The following CNTNAP4 variants were observed in gnomAD, a reference collection of about 807,000 sequenced individuals.
CNTNAP4 encodes the protein contactin-associated protein-like 4.
In CNTNAP4, 98 loss-of-function variants were observed where a neutral mutation model predicts 148.4. The ratio of observed to expected loss-of-function variants is 0.66; its 90% confidence interval spans 0.56 to 0.78. CNTNAP4 has a LOEUF of 0.78. Among genes scored for constraint, CNTNAP4 ranks in the 30% least tolerant of loss-of-function variants. The pLI is 0.00. For missense variants in CNTNAP4, 1,935 were observed against 1,565.6 expected (o/e 1.24, Z -3.98); for synonymous variants, 730 against 565.1 (o/e 1.29, Z -4.14).
chr16:76,294,802 A>T (rs1246369477), intron 1 of CNTNAP4, among the ~76,000 whole-genome samples: 1 of 152,230 alleles, frequency 6.6e-6, no homozygotes, highest in African/African-American at 2.4e-5. Flanking sequence ...GTCATTACAC[A>T]TGTCTTCAGC....
intron 21 of CNTNAP4, among the ~76,000 whole-genome samples, chr16:76,547,758 G>A (rs1049062288): frequency 6.6e-6 from 1 of 152,150 alleles, no homozygotes; most frequent in Non-Finnish European, 1.5e-5. Context: ...AGTCCGCAGA[G>A]CTCAGGAAGC....
intron 3 of CNTNAP4, among the ~76,000 whole-genome samples, chr16:76,384,635 C>G (rs993497449): frequency 5.3e-5 from 8 of 152,094 alleles, no homozygotes; most frequent in African/African-American, 1.7e-4. Context: ...TTAGGAGATT[C>G]CGCGCTCCTC....
chr16:76,333,471 A>G lies in CNTNAP4; in HGVS notation c.196+16948A>G, dbSNP rs541270976. On this transcript the variant is annotated intron_variant, in intron 2 of 23. Transcript: ENST00000611870. ...TTATATCTCTTTATTGATGACCTCT[A>G]TTTGTTGAGACATCATTCTCCTATT... Among the ~76,000 whole-genome samples the G allele has an allele frequency of 2.6e-5, 4 of 152,048 alleles. No individual in the cohort carries two copies. In the South Asian group the frequency reaches 6.2e-4, roughly 24 times the overall value.
At chr16:76,389,050 A>G (rs868466734) in intron 3 of CNTNAP4, among the ~76,000 whole-genome samples, 5 of 152,240 alleles carry the variant, frequency 3.3e-5, no homozygotes, top group African/African-American at 1.2e-4. Context: ...TCATTATAAT[A>G]TAAAGAACAC....
chr16:76,282,874 GT>G (rs543276431), intron 1 of CNTNAP4, among the ~76,000 whole-genome samples: 1,657 of 150,216 alleles, frequency 0.011, 13 homozygotes, highest in South Asian at 0.022. Context: ...CATTTTTTCA[GT>G]TTTTTTTCAA....
At chr16:76,382,921 G>A (rs2016133944) in intron 3 of CNTNAP4, among the ~76,000 whole-genome samples, 1 of 152,124 alleles carries the variant, frequency 6.6e-6, no homozygotes, top group Non-Finnish European at 1.5e-5. Context: ...AATTTGAAAA[G>A]AATTTCACTG....
chr16:76,439,429 G>T (rs1054032877), intron 4 of CNTNAP4, among the ~76,000 whole-genome samples: 1 of 152,044 alleles, frequency 6.6e-6, no homozygotes, highest in African/African-American at 2.4e-5. Flanking sequence ...AGTATGAGAG[G>T]CTGGAATTTT....
At chr16:76,535,160 C>G (rs1025651932) in intron 17 of CNTNAP4, among the ~76,000 whole-genome samples, 10 of 152,252 alleles carry the variant, frequency 6.6e-5, no homozygotes, top group Middle Eastern at 6.8e-3. Flanking sequence ...GAATCAAGAT[C>G]AGGTTTAAAT....
intron 20 of CNTNAP4, among the ~76,000 whole-genome samples, 155 bp from the exon 21 acceptor site, chr16:76,540,548 G>A (rs1370024300): frequency 6.6e-5 from 10 of 151,876 alleles, no homozygotes; most frequent in African/African-American, 2.4e-4. Context: ...ACCTTTCTAA[G>A]TGGCTAAGCT....
intron 15 of CNTNAP4, among the ~76,000 whole-genome samples, chr16:76,518,763 C>G (rs900500060): frequency 6.6e-6 from 1 of 152,088 alleles, no homozygotes; most frequent in African/African-American, 2.4e-5. Flanking sequence ...ACTGTAGTCA[C>G]CCCAGTCTGC....
At chr16:76,494,048 C>T (rs373422971) in intron 13 of CNTNAP4, among the ~76,000 whole-genome samples, 44 of 151,562 alleles carry the variant, frequency 2.9e-4, no homozygotes, top group African/African-American at 1.0e-3. Flanking sequence ...TCTTCTCATG[C>T]CCTGATTCTC....
At chr16:76,313,813 T>C (rs1172904279) in intron 1 of CNTNAP4, among the ~76,000 whole-genome samples, 1 of 152,196 alleles carries the variant, frequency 6.6e-6, no homozygotes, top group Non-Finnish European at 1.5e-5. Context: ...TTTATTTAAA[T>C]AATTGCTTAC....
At chr16:76,420,350 A>G (rs1032640187) in intron 3 of CNTNAP4, among the ~76,000 whole-genome samples, 3 of 104,256 alleles carry the variant, frequency 2.9e-5, no homozygotes, top group African/African-American at 8.3e-5. Flanking sequence ...AGGACACTAC[A>G]TAAGAAAAAA....
At chr16:76,550,177 T>A (rs1484780131) in intron 21 of CNTNAP4, among the ~76,000 whole-genome samples, 1 of 152,236 alleles carries the variant, frequency 6.6e-6, no homozygotes, top group East Asian at 1.9e-4. Context: ...CAGGGTAATT[T>A]TCTGTTCCAG....
At chr16:76,344,523 T>A (rs1964748391) in intron 2 of CNTNAP4, among the ~76,000 whole-genome samples, 1 of 150,206 alleles carries the variant, frequency 6.7e-6, no homozygotes, top group Non-Finnish European at 1.5e-5. Flanking sequence ...ACTACTACGG[T>A]GTATTAATCA....
chr16:76,395,370 A>T (rs887629150), intron 3 of CNTNAP4, among the ~76,000 whole-genome samples: 1 of 152,002 alleles, frequency 6.6e-6, no homozygotes, highest in East Asian at 1.9e-4. Flanking sequence ...GGTTCAAGCA[A>T]TTCTCCTGCC....
At chr16:76,337,493 G>A (rs1321218511) in intron 2 of CNTNAP4, among the ~76,000 whole-genome samples, 1 of 152,164 alleles carries the variant, frequency 6.6e-6, no homozygotes, top group Non-Finnish European at 1.5e-5. Context: ...ATAGGGAGTA[G>A]GTCACAGGGA....
chr16:76,400,261 A>G (rs774173500), intron 3 of CNTNAP4, among the ~76,000 whole-genome samples: 4 of 152,148 alleles, frequency 2.6e-5, no homozygotes, highest in Non-Finnish European at 5.9e-5. Context: ...ACTTATATAC[A>G]TTGTGGAATG....
chr16:76,401,266 C>T (rs199827663), intron 3 of CNTNAP4, among the ~76,000 whole-genome samples: 2 of 152,174 alleles, frequency 1.3e-5, no homozygotes, highest in East Asian at 3.9e-4. Flanking sequence ...CCCTGGTTAG[C>T]TGTATTCCTA....
Sources: gnomAD v4.1 joint callset for allele counts (sites outside exome capture counted in the v4.1 genomes callset) on GRCh38, gnomAD v4.1.1 for gene constraint, MANE v1.5 for transcripts, NCBI Gene and HGNC (gene_info 2026-07-23, HGNC 2026-07-21) for gene names.